MET: variants seen among roughly 807,000 people sequenced by gnomAD.
MET encodes hepatocyte growth factor receptor.
A neutral mutation model predicts 133.1 loss-of-function variants in MET; 48 were observed. The observed-to-expected ratio is 0.36, with a 90% CI of 0.29 to 0.46. MET has a LOEUF of 0.46. Ranked by LOEUF, MET falls within the 20% of genes least tolerant of loss-of-function variation. The probability of loss-of-function intolerance (pLI) is 1.00; values close to 1 mark genes in which losing one functional copy is unlikely to be tolerated. For synonymous variants in MET, 628 were observed against 616.5 expected (o/e 1.02, Z -0.28); for missense variants, 1,442 against 1,695.9 (o/e 0.85, Z 2.63).
chr7:116,753,012 C>T (rs1793989999), intron 5 of MET, among the ~76,000 whole-genome samples: 1 of 152,124 alleles, frequency 6.6e-6, no homozygotes, highest in African/African-American at 2.4e-5. Context: ...TCTAGTAGTT[C>T]TCATTTGACT....
At chr7:116,672,750 T>C (rs1584840957) in intron 1 of MET, among the ~76,000 whole-genome samples, 173 bp downstream of exon 1, 2 of 152,158 alleles carry the variant, frequency 1.3e-5, no homozygotes, top group Middle Eastern at 6.8e-3. Flanking sequence ...AGGACGAAAC[T>C]AGAATGGGGC....
chr7:116,727,489 C>T (rs557507071), intron 2 of MET, among the ~76,000 whole-genome samples: 1 of 152,308 alleles, frequency 6.6e-6, no homozygotes, highest in Non-Finnish European at 1.5e-5. Flanking sequence ...CCCTTCCTTC[C>T]TTCCTTCCTT....
At chr7:116,694,088 A>AC (rs1796875146) in intron 1 of MET, among the ~76,000 whole-genome samples, 1 of 152,230 alleles carries the variant, frequency 6.6e-6, no homozygotes, top group Admixed American at 6.5e-5. Flanking sequence ...ACTAGCAGTT[A>AC]TCATCATAGT....
chr7:116,721,296 G>C (rs1225681469), intron 2 of MET, among the ~76,000 whole-genome samples: 3 of 152,186 alleles, frequency 2.0e-5, no homozygotes, highest in Non-Finnish European at 4.4e-5. Flanking sequence ...AGTATTCTCT[G>C]ATGGTAGTTT....
chr7:116,755,713 G>A (rs911373024), intron 6 of MET, among the ~76,000 whole-genome samples, 198 bp downstream of exon 6: 2 of 152,196 alleles, frequency 1.3e-5, no homozygotes, highest in African/African-American at 4.8e-5. Flanking sequence ...AGAGAAAGGT[G>A]ACATGGCCTA....
chr7:116,774,747 A>T (rs2117028087), intron 14 of MET, 134 bp from the exon 15 acceptor site: 1 of 705,682 alleles, frequency 1.4e-6, no homozygotes, highest in Non-Finnish European at 2.4e-6. Context: ...ATGCTTGTAT[A>T]TATAACTTAG....
chr7:116,766,496 G>A (rs953139413), intron 11 of MET, among the ~76,000 whole-genome samples: 6 of 152,192 alleles, frequency 3.9e-5, no homozygotes, highest in African/African-American at 9.7e-5. Flanking sequence ...TCCACCTGCT[G>A]CCCAGAGCCA....
rs775997318 is a variant in MET at position 116,775,003 on chromosome 7, G to C, written c.3151G>C (p.Val1051Leu). The C allele has an allele frequency of 1.9e-6, 3 of 1,614,066 alleles. No homozygotes were observed. ...ATCCAGTCCATTACTGCAAAATACT[G>C]TCCACATTGACCTCAGTGCTCTAAA... ...DISSPLLQNT[V>L]HIDLSALNPE... Residue 1051 changes from valine to leucine, a missense_variant, in exon 15 of 21, where the codon GTC becomes CTC. Coordinates refer to ENST00000397752, the MANE Select transcript of MET (RefSeq NM_000245.4).
intron 1 of MET, among the ~76,000 whole-genome samples, chr7:116,687,610 G>A (rs552980762): frequency 6.6e-6 from 1 of 152,080 alleles, no homozygotes; most frequent in South Asian, 2.1e-4. Context: ...AACAATTCTT[G>A]TCTACTTTGC....
chr7:116,716,339 A>AGAGAGAGAG (rs1562893020), intron 2 of MET, among the ~76,000 whole-genome samples: 1 of 105,238 alleles, frequency 9.5e-6, no homozygotes, highest in Non-Finnish European at 2.1e-5. Flanking sequence ...GAGAGAGAGA[A>AGAGAGAGAG]AAGAAACGGA....
Position 116,797,937 on chromosome 7 carries a change from G to A in MET, c.*1813G>A, listed in dbSNP as rs1384804925. 1.4e-5 allele frequency: 3 copies of A among 221,566 alleles called. No individual in the cohort carries two copies. The highest frequency in any genetic ancestry group is 2.7e-5 in the Non-Finnish European group (3 of 110,642). The allele number at this position is 221,566 out of a possible 1,614,324, so 13.7% of individuals were successfully genotyped here. A position where few individuals can be genotyped will look rare whatever the true frequency, so the allele number is the denominator to read the frequency against. On this transcript the variant is annotated 3_prime_UTR_variant, in exon 21 of 21. Transcript: ENST00000397752. ...ACTAAAAGCTCTCTGATAGTGCAGA[G>A]ACTTACCAGAAGACACAAGGAATTG...
In MET at chr7:116,740,063, A is replaced by G. The variant is rs2116828048; in HGVS notation, c.1506A>G (p.Thr502=). 1.2e-6 allele frequency: 2 copies of G among 1,614,110 alleles called. No homozygotes were observed. Among genetic ancestry groups the G allele is most frequent in the South Asian group, 1.1e-5 (1 of 91,080 alleles). Residue 502 remains threonine (T), a synonymous_variant, in exon 4 of 21, where the codon ACA becomes ACG. Transcript: ENST00000397752. The stretch of plus-strand genomic sequence containing the variant: ...ATACATTAAACCAAAATGGCTACAC[A>G]CTGGTTATCACTGGGAAGAAGGTAA... ...VEHTLNQNGY[T]LVITGKKITK... is the part of the protein sequence containing the mutation.
intron 2 of MET, among the ~76,000 whole-genome samples, chr7:116,721,311 T>A (rs1792474534): frequency 6.6e-6 from 1 of 152,346 alleles, no homozygotes; most frequent in African/African-American, 2.4e-5. Context: ...TAGTTTGTAT[T>A]TCTGTGGGAT....
At chr7:116,704,367 T>C (rs1307042860) in intron 2 of MET, among the ~76,000 whole-genome samples, 1 of 152,126 alleles carries the variant, frequency 6.6e-6, no homozygotes, top group African/African-American at 2.4e-5. Context: ...ATTTAAACTC[T>C]GAACCCATCG....
chr7:116,711,971 G>A (rs921226256), intron 2 of MET, among the ~76,000 whole-genome samples: 1 of 152,108 alleles, frequency 6.6e-6, no homozygotes, highest in Non-Finnish European at 1.5e-5. Context: ...CAGTTTCAAG[G>A]TACCACTGAA....
intron 2 of MET, among the ~76,000 whole-genome samples, chr7:116,709,255 A>G (rs372233873): frequency 1.3e-5 from 2 of 152,304 alleles, no homozygotes; most frequent in East Asian, 1.9e-4. Context: ...AATCACACAA[A>G]TATCTAAATA....
rs568152978 is a variant in MET at position 116,776,072 on chromosome 7, T to G, written c.3259+961T>G. Among the ~76,000 whole-genome samples, 26 of 152,208 alleles carry G rather than the reference T, an allele frequency of 1.7e-4. No individual in the cohort carries two copies. The South Asian group carries it at 3.1e-3, about 18-fold the overall frequency. ...AATGAACTTCATTCTTCTTGTTGTT[T>G]TTTTTTTTCTAAAAAGCTTTTACCC... On this transcript the variant is annotated intron_variant, in intron 15 of 20. Coordinates refer to ENST00000397752, the MANE Select transcript of MET (RefSeq NM_000245.4).
rs1584979504 is a variant in MET, at chr7:116,796,772, C to A, written c.*648C>A. 4 of 191,342 alleles carry A rather than the reference C, an allele frequency of 2.1e-5. No individual in the cohort carries two copies. The East Asian group carries it at 3.4e-4, about 16-fold the overall frequency. The allele number at this position is 191,342 out of a possible 1,614,324, so 11.9% of individuals were successfully genotyped here. A position where few individuals can be genotyped will look rare whatever the true frequency, so the allele number is the denominator to read the frequency against. ...TAGCTGGGACTACAGGCGCACACCA[C>A]CATCCCCGGCTAATTTTTGTATTTT... On this transcript the variant is annotated 3_prime_UTR_variant, in exon 21 of 21. Coordinates refer to ENST00000397752, the MANE Select transcript of MET (RefSeq NM_000245.4).
intron 1 of MET, among the ~76,000 whole-genome samples, chr7:116,693,623 C>T (rs759326927): frequency 1.3e-4 from 20 of 152,170 alleles, no homozygotes; most frequent in Non-Finnish European, 2.8e-4. Flanking sequence ...GGTAAGCCCA[C>T]GTGACTTTCT....
Sources: allele counts gnomAD v4.1 joint callset (sites outside exome capture counted in the v4.1 genomes callset), GRCh38; gene constraint gnomAD v4.1.1; transcripts MANE v1.5; gene names NCBI Gene and HGNC (gene_info 2026-07-23, HGNC 2026-07-21).